DSPP: variants seen among roughly 807,000 people sequenced by gnomAD.
The protein encoded by DSPP is dentin sialophosphoprotein.
Under a neutral mutation model 29.1 loss-of-function variants are expected in DSPP, and 28 were observed. That is an observed-to-expected ratio of 0.96 (90% CI 0.71 to 1.32). The LOEUF (loss-of-function observed/expected upper bound fraction) is 1.32. Among genes scored for constraint, DSPP ranks in the 40% most tolerant of loss-of-function variants. The pLI, the probability that DSPP is intolerant of heterozygous loss-of-function variation, is 0.00. For synonymous variants in DSPP, 481 were observed against 503.4 expected (o/e 0.96, Z 0.60); for missense variants, 1,281 against 1,629.9 (o/e 0.79, Z 3.69).
At position 87,615,182 on chromosome 4, in the gene DSPP, TAGCAGCGAC is replaced by T. The variant is rs1560479204; in HGVS notation, c.2529_2537del (p.Ser847_Asp849del). The T allele has an allele frequency of 2.0e-6, 3 of 1,506,904 alleles. No homozygotes were observed. The highest frequency in any genetic ancestry group is 2.1e-5 in the Admixed American group (1 of 47,856). The allele number at this position is 1,506,904 out of a possible 1,614,324, so 93.3% of individuals were successfully genotyped here. On this transcript the variant is annotated inframe_deletion, in exon 5 of 5. Coordinates refer to ENST00000651931, the MANE Select transcript of DSPP (RefSeq NM_014208.3). ...GCAGCGATAGCAGCAACAGCAGTGA[TAGCAGCGAC>T]AGCAGCGATAGCAGTGACGGCAGTG...
In DSPP at chr4:87,614,525, C is replaced by A. The variant is rs1727813811; in HGVS notation, c.1863C>A (p.Asp621Glu). The A allele has an allele frequency of 1.9e-6, 3 of 1,550,526 alleles. No homozygotes were observed. Among genetic ancestry groups the A allele is most frequent in the Admixed American group, 2.0e-5 (1 of 50,928 alleles). The change falls in exon 5 of 5, where the codon GAC (aspartate) becomes GAA (glutamate). Residue 621 changes from aspartate (D) to glutamate (E), a missense_variant. Physicochemically the swap from Asp to Glu is conservative, Grantham distance 45. Around this residue, in one of 4 missense-constraint regions of DSPP, gnomAD observed 444 missense variants for 611.4 expected, o/e 0.73. Coordinates refer to ENST00000651931, the MANE Select transcript of DSPP (RefSeq NM_014208.3). ...SDSSDSSDSS[D>E]SKSDSSKSES... is the part of the protein sequence containing the mutation. ...GTAGTGATAGTAGTGACAGCAGTGA[C>A]AGCAAGTCAGACAGCAGCAAATCAG...
At chr4:87,609,220 G>A (rs1198642500) in intron 1 of DSPP, among the ~76,000 whole-genome samples, 3 of 152,130 alleles carry the variant, frequency 2.0e-5, no homozygotes, top group Non-Finnish European at 4.4e-5. Context: ...CCTTGGAAAC[G>A]GTGATAACCA....
Position 87,614,480 on chromosome 4 carries a change from C to G in DSPP, c.1818C>G (p.Asp606Glu). ...GCAGCAATAGCAGTGACAGTAGTGA[C>G]AGCAGTGATAGCAGTGACAGTAGTG... ...SDSSNSSDSS[D>E]SSDSSDSSDS... The change falls in exon 5 of 5, where the codon GAC becomes GAG. Residue 606 changes from aspartate to glutamate, a missense_variant. Around this residue, in one of 4 missense-constraint regions of DSPP, gnomAD observed 444 missense variants for 611.4 expected, o/e 0.73. Transcript: ENST00000651931. 2 of 1,551,456 alleles carry G rather than the reference C, an allele frequency of 1.3e-6. No homozygotes were observed. Among genetic ancestry groups the G allele is most frequent in the East Asian group, 2.4e-5 (1 of 40,894 alleles).
chr4:87,609,398 G>A (rs988033675), intron 1 of DSPP, among the ~76,000 whole-genome samples: 1 of 152,180 alleles, frequency 6.6e-6, no homozygotes, highest in African/African-American at 2.4e-5. Context: ...GCAGAGCTAT[G>A]TAATGATTAG....
In DSPP at chr4:87,615,922, GCA is replaced by G; in HGVS notation, c.3261_3262del (p.Ser1087ArgfsTer2). The stretch of plus-strand genomic sequence containing the variant: ...AGTGATAGCAGTGAAAGCAGTGATA[GCA>G]GTGACAGCAGCAATAGCAGTGACAG... On this transcript the variant is annotated frameshift_variant, in exon 5 of 5. Coordinates refer to ENST00000651931, the MANE Select transcript of DSPP (RefSeq NM_014208.3). LOFTEE classifies it low-confidence loss of function (END_TRUNC). 2 of 257,660 alleles carry G rather than the reference GCA, an allele frequency of 7.8e-6. No homozygotes were observed. The highest frequency in any genetic ancestry group is 4.3e-5 in the South Asian group (1 of 23,442). The allele number at this position is 257,660 out of a possible 1,614,324, so 16.0% of individuals were successfully genotyped here.
In DSPP at chr4:87,613,219, C is replaced by T; in HGVS notation, c.1033C>T (p.Gln345Ter). The change falls in exon 4 of 5, where the codon CAG (glutamine) becomes TAG (stop). Residue 345 changes from glutamine to a stop codon, truncating the protein, a stop_gained. Coordinates refer to ENST00000651931, the MANE Select transcript of DSPP (RefSeq NM_014208.3). LOFTEE classifies it high-confidence loss of function. ...TGGCAGCCAAAGAATAGAGGACACC[C>T]AGAAGCTCAACCATAGAGAAAGCAA... is the stretch of plus-strand genomic sequence containing the variant. Reference protein sequence around the residue: ...DNGSQRIEDTQKLNHRESKRV... With the variant: ...DNGSQRIEDT 1 of 1,613,932 alleles carries T rather than the reference C, an allele frequency of 6.2e-7. No individual in the cohort carries two copies. Among genetic ancestry groups the T allele is most frequent in the East Asian group, 2.2e-5 (1 of 44,878 alleles).
chr4:87,614,585 C>G lies in DSPP; in HGVS notation c.1923C>G (p.Asp641Glu), dbSNP rs1364487441. Residue 641 changes from aspartate (D) to glutamate (E), a missense_variant, in exon 5 of 5, where the codon GAC (aspartate) becomes GAG (glutamate). Physicochemically the swap from Asp to Glu is conservative, Grantham distance 45. This residue lies in a region of DSPP where 444 missense variants were observed against 611.4 expected (regional missense o/e 0.73). Coordinates refer to ENST00000651931, the MANE Select transcript of DSPP (RefSeq NM_014208.3). ...GCAGTGATAGTGACAGTAAGTCAGA[C>G]AGCAGTGACAGCAACAGCAGTGACA... ...SDSSDSDSKSDSSDSNSSDSS... is the reference protein window; with the variant it reads ...SDSSDSDSKSESSDSNSSDSS... 1 of 1,551,032 alleles carries G rather than the reference C, an allele frequency of 6.4e-7. No homozygotes were observed. Among genetic ancestry groups the G allele is most frequent in the Non-Finnish European group, 8.7e-7 (1 of 1,146,790 alleles).
rs1727813160 is a variant in DSPP, at chr4:87,614,506, AT to A, written c.1845del (p.Asp615GlufsTer699). On this transcript the variant is annotated frameshift_variant, in exon 5 of 5. Transcript: ENST00000651931. LOFTEE classifies it low-confidence loss of function (END_TRUNC). ...SDSSDSSDSS[D>X]SSDSSDSKSD... The stretch of plus-strand genomic sequence containing the variant: ...AGCAGTGATAGCAGTGACAGTAGTG[AT>A]AGTAGTGACAGCAGTGACAGCAAGT... 1 of 1,551,320 alleles carries A rather than the reference AT, an allele frequency of 6.4e-7. No homozygotes were observed. Among genetic ancestry groups the A allele is most frequent in the African/African-American group, 1.4e-5 (1 of 72,942 alleles).
rs1727866659 is a variant in DSPP at position 87,615,460 on chromosome 4, G to A, written c.2798G>A (p.Ser933Asn). The change falls in exon 5 of 5, where the codon AGC becomes AAC. Residue 933 changes from serine to asparagine, a missense_variant. Transcript: ENST00000651931. ...SSESSNSSDNSNSSDSSNSSD... is the reference protein window; with the variant it reads ...SSESSNSSDNNNSSDSSNSSD... ...GAAAGCAGTAATAGTAGTGACAACAGCAATAGCAGTGACAGCAGCAACAGC... is the reference window on the plus strand; with the variant it reads ...GAAAGCAGTAATAGTAGTGACAACAACAATAGCAGTGACAGCAGCAACAGC... The A allele has an allele frequency of 1.3e-6, 2 of 1,551,372 alleles. No homozygotes were observed. Among genetic ancestry groups the A allele is most frequent in the East Asian group, 4.9e-5 (2 of 40,918 alleles).
Position 87,613,997 on chromosome 4 carries a change from C to A in DSPP, c.1335C>A (p.Ser445Arg). 6.2e-7 allele frequency: 1 copy of A among 1,614,090 alleles called. No individual in the cohort carries two copies. Among genetic ancestry groups the A allele is most frequent in the Non-Finnish European group, 8.5e-7 (1 of 1,180,032 alleles). Residue 445 changes from serine to arginine, a missense_variant, in exon 5 of 5, where the codon AGC becomes AGA. Physicochemically the swap from Ser to Arg is moderately radical, Grantham distance 110. Transcript: ENST00000651931. ...GACACAGCAATACAGGTAGTGACAG[C>A]AATAGTGATGGATATGACAGTTATG... ...KVGHSNTGSDSNSDGYDSYDF... is the reference protein window; with the variant it reads ...KVGHSNTGSDRNSDGYDSYDF...
At chr4:87,610,859 G>A (rs756985353) in intron 1 of DSPP, 22 bp from the exon 2 acceptor site, 11 of 1,476,736 alleles carry the variant, frequency 7.4e-6, no homozygotes, top group Non-Finnish European at 1.0e-5. Flanking sequence ...AAGTAATTTT[G>A]TGCTGTTCCT....
Position 87,613,810 on chromosome 4 carries a change from G to A in DSPP, c.1148G>A (p.Ser383Asn). Residue 383 changes from serine (S) to asparagine (N), a missense_variant, in exon 5 of 5, where the codon AGT (serine) becomes AAT (asparagine). Transcript: ENST00000651931. ...GGAATAGAAATCAAGGGTCCCAGCA[G>A]TGGCAACAGAAATATTACCAAAGAA... ...DKGIEIKGPS[S>N]GNRNITKEVG... is the part of the protein sequence containing the mutation. 1 of 1,614,184 alleles carries A rather than the reference G, an allele frequency of 6.2e-7. No individual in the cohort carries two copies. Among genetic ancestry groups the A allele is most frequent in the Non-Finnish European group, 8.5e-7 (1 of 1,180,036 alleles).
At position 87,614,725 on chromosome 4, in the gene DSPP, ATAG is replaced by A. The variant is rs759609146; in HGVS notation, c.2068_2070del (p.Ser690del). 7.2e-5 allele frequency: 112 copies of A among 1,546,358 alleles called. No individual in the cohort carries two copies. In the East Asian group the frequency reaches 1.1e-3, roughly 15 times the overall value. ...AGCAGTGACAGCAGCAACAGCAGTG[ATAG>A]TAGTGACAGTAGTGACAGCAGCAAT... On this transcript the variant is annotated inframe_deletion, in exon 5 of 5. Transcript: ENST00000651931.
At position 87,614,927 on chromosome 4, in the gene DSPP, T is replaced by TAGCGATAGCAGTGACAGC. The variant is rs1560478963; in HGVS notation, c.2269_2286dup (p.Asp757_Ser762dup). 2.1e-6 allele frequency: 3 copies of TAGCGATAGCAGTGACAGC among 1,411,882 alleles called. No individual in the cohort carries two copies. The highest frequency in any genetic ancestry group is 2.6e-5 in the South Asian group (2 of 77,974). 87.5% of individuals were successfully genotyped at this position (1,411,882 alleles called of 1,614,324 possible). On this transcript the variant is annotated inframe_insertion, in exon 5 of 5. Coordinates refer to ENST00000651931, the MANE Select transcript of DSPP (RefSeq NM_014208.3). ...GTGACAGCAGCAACAGCAGTGACAG[T>TAGCGATAGCAGTGACAGC]AGCGATAGCAGTGACAGCAGCAACA...
In DSPP at chr4:87,614,233, G is replaced by T; in HGVS notation, c.1571G>T (p.Ser524Ile). Residue 524 changes from serine to isoleucine, a missense_variant, in exon 5 of 5, where the codon AGT becomes ATT. Ser to Ile is a moderately radical substitution (Grantham distance 142). Around this residue, in one of 4 missense-constraint regions of DSPP, gnomAD observed 631 missense variants for 643.2 expected, o/e 0.98. Transcript: ENST00000651931. ...DSDSTSDTNN[S>I]DSNGNGNNGN... is the part of the protein sequence containing the mutation. ...GATAGCACATCAGACACTAATAATA[G>T]TGACAGTAATGGCAATGGTAACAAT... is the stretch of plus-strand genomic sequence containing the variant. 1 of 1,614,220 alleles carries T rather than the reference G, an allele frequency of 6.2e-7. No homozygotes were observed. Among genetic ancestry groups the T allele is most frequent in the Non-Finnish European group, 8.5e-7 (1 of 1,180,044 alleles).
In DSPP at chr4:87,616,514, C is replaced by A; in HGVS notation, c.3852C>A (p.Asp1284Glu). 2 of 1,551,568 alleles carry A rather than the reference C, an allele frequency of 1.3e-6. 1 individual carries two copies. Residue 1284 changes from aspartate to glutamate, a missense_variant, in exon 5 of 5, where the codon GAC becomes GAA. Transcript: ENST00000651931. The stretch of plus-strand genomic sequence containing the variant: ...GTAACGGTAACAACAATGGAAGTGA[C>A]AGTGACAGTGACAGTGAAGGCAGTG... ...KSGNGNNNGS[D>E]SDSDSEGSDS...
In DSPP at chr4:87,614,441, T is replaced by G. The variant is rs560538776; in HGVS notation, c.1779T>G (p.Ser593Arg). 3.0e-5 allele frequency: 46 copies of G among 1,548,180 alleles called. No individual in the cohort carries two copies. The highest frequency in any genetic ancestry group is 3.8e-5 in the Non-Finnish European group (43 of 1,145,962). The change falls in exon 5 of 5, where the codon AGT becomes AGG. Residue 593 changes from serine (S) to arginine (R), a missense_variant. Transcript: ENST00000651931. ...SDSDSSDSSD[S>R]DSSDSSNSSD... is the part of the protein sequence containing the mutation. ...GTGACAGCAGTGATAGCAGTGACAG[T>G]GATAGTAGTGATAGCAGCAATAGCA...
At position 87,616,545 on chromosome 4, in the gene DSPP, A is replaced by G. The variant is rs1467686033; in HGVS notation, c.3883A>G (p.Asn1295Asp). 2 of 1,551,804 alleles carry G rather than the reference A, an allele frequency of 1.3e-6. No homozygotes were observed. Among genetic ancestry groups the G allele is most frequent in the Non-Finnish European group, 8.7e-7 (1 of 1,147,010 alleles). ...SDSDSEGSDSNHSTSDD is the reference protein window; with the variant it reads ...SDSDSEGSDSDHSTSDD The stretch of plus-strand genomic sequence containing the variant: ...CAGTGACAGTGAAGGCAGTGACAGT[A>G]ACCACTCAACCAGTGATGATTAGAA... Residue 1295 changes from asparagine (N) to aspartate (D), a missense_variant, in exon 5 of 5, where the codon AAC (asparagine) becomes GAC (aspartate). Asn to Asp is a conservative substitution (Grantham distance 23). Transcript: ENST00000651931.
rs368314778 is a variant in DSPP, at chr4:87,612,774, G to T, written c.588G>T (p.Glu196Asp). The change falls in exon 4 of 5, where the codon GAG (glutamate) becomes GAT (aspartate). Residue 196 changes from glutamate to aspartate, a missense_variant. Glu to Asp is a conservative substitution (Grantham distance 45, BLOSUM62 2). Transcript: ENST00000651931. ...GAAGCAATAACAGTACAGACAATGA[G>T]GATGAAATAATTGAGAATTCCTGTA... The part of the protein sequence containing the change: ...VAGSNNSTDN[E>D]DEIIENSCRN... 7 of 1,614,010 alleles carry T rather than the reference G, an allele frequency of 4.3e-6. No individual in the cohort carries two copies. In the East Asian group the frequency reaches 8.9e-5, roughly 21 times the overall value.
Sources: gnomAD v4.1 joint callset for allele counts (sites outside exome capture counted in the v4.1 genomes callset) on GRCh38, gnomAD v4.1.1 for gene constraint, gnomAD v4.1.1 regional missense constraint, MANE v1.5 for transcripts, NCBI Gene and HGNC (gene_info 2026-07-23, HGNC 2026-07-21) for gene names.